The following JAZF1 variants were observed in gnomAD, a reference collection of about 807,000 sequenced individuals.
The protein encoded by JAZF1 is juxtaposed with another zinc finger protein 1.
Under a neutral mutation model 26.4 loss-of-function variants are expected in JAZF1, and 8 were observed. The observed-to-expected ratio is 0.30, with a 90% CI of 0.18 to 0.55. The LOEUF (loss-of-function observed/expected upper bound fraction) is 0.55. Ranked by LOEUF, JAZF1 falls within the 20% of genes least tolerant of loss-of-function variation. The pLI is 0.94. For missense variants in JAZF1, 199 were observed against 322.0 expected (o/e 0.62, Z 2.92); for synonymous variants, 126 against 122.3 (o/e 1.03, Z -0.20).
At chr7:27,998,220 A>G (rs1221906564) in intron 1 of JAZF1, among the ~76,000 whole-genome samples, 1 of 152,126 alleles carries the variant, frequency 6.6e-6, no homozygotes, top group Admixed American at 6.5e-5. Flanking sequence ...TTGGGCCAGC[A>G]TTTGGACTAT....
intron 1 of JAZF1, among the ~76,000 whole-genome samples, chr7:28,153,033 T>C (rs778664282): frequency 3.9e-5 from 6 of 152,194 alleles, no homozygotes; most frequent in Non-Finnish European, 8.8e-5. Context: ...TTATAAATCA[T>C]GTAAAAGGTT....
At chr7:27,846,405 A>G (rs778122894) in intron 3 of JAZF1, 119 of 323,966 alleles carry the variant, frequency 3.7e-4, no homozygotes, top group African/African-American at 5.2e-4. Context: ...ATACGTATAC[A>G]TGTATATATA....
intron 1 of JAZF1, among the ~76,000 whole-genome samples, chr7:28,064,326 A>G (rs1182915749): frequency 6.6e-6 from 1 of 152,142 alleles, no homozygotes; most frequent in Non-Finnish European, 1.5e-5. Context: ...TAAAAGAAGG[A>G]AACTATGTAA....
chr7:27,958,414 A>G (rs1204640501), intron 2 of JAZF1, among the ~76,000 whole-genome samples: 1 of 152,216 alleles, frequency 6.6e-6, no homozygotes, highest in Non-Finnish European at 1.5e-5. Context: ...TTAAGGGGAA[A>G]GGAGGAAGAA....
chr7:28,052,819 C>T (rs1357601515), intron 1 of JAZF1, among the ~76,000 whole-genome samples: 1 of 146,384 alleles, frequency 6.8e-6, no homozygotes, highest in East Asian at 2.0e-4. Flanking sequence ...TGGATACTGG[C>T]TTTTTTTTTT....
intron 1 of JAZF1, among the ~76,000 whole-genome samples, chr7:28,063,804 G>A (rs1783836663): frequency 1.3e-5 from 2 of 152,072 alleles, no homozygotes; most frequent in African/African-American, 4.8e-5. Flanking sequence ...TCACCAGCAT[G>A]CAAATAACTT....
At chr7:28,131,390 A>C (rs1345161607) in intron 1 of JAZF1, among the ~76,000 whole-genome samples, 1 of 152,188 alleles carries the variant, frequency 6.6e-6, no homozygotes, top group Admixed American at 6.5e-5. Flanking sequence ...GTTAGGGAAA[A>C]TAACAGAAGA....
At chr7:27,909,855 A>G (rs1007317631) in intron 2 of JAZF1, among the ~76,000 whole-genome samples, 2 of 152,228 alleles carry the variant, frequency 1.3e-5, no homozygotes, top group African/African-American at 2.4e-5. Context: ...TTGTGTTCAC[A>G]TAATCACTTA....
At chr7:28,104,544 G>C (rs1784521867) in intron 1 of JAZF1, among the ~76,000 whole-genome samples, 1 of 152,200 alleles carries the variant, frequency 6.6e-6, no homozygotes, top group Non-Finnish European at 1.5e-5. Flanking sequence ...TTGTCACTTA[G>C]ATAAACATGT....
chr7:27,950,096 T>C (rs547914300), intron 2 of JAZF1, among the ~76,000 whole-genome samples: 1 of 152,348 alleles, frequency 6.6e-6, no homozygotes, highest in South Asian at 2.1e-4. Flanking sequence ...CATTGAGCTT[T>C]GCACCGGTTA....
intron 1 of JAZF1, among the ~76,000 whole-genome samples, chr7:28,171,756 G>A (rs886804078): frequency 1.8e-4 from 27 of 152,108 alleles, no homozygotes; most frequent in African/African-American, 4.1e-4. Flanking sequence ...ACTCCAAAGC[G>A]GAAGGCAGTA....
chr7:27,880,612 A>G (rs1329960882), intron 3 of JAZF1, among the ~76,000 whole-genome samples: 1 of 152,130 alleles, frequency 6.6e-6, no homozygotes, highest in African/African-American at 2.4e-5. Flanking sequence ...CAGCCTGGGT[A>G]ACAGCAAGAC....
chr7:27,882,099 G>C (rs1056266568), intron 3 of JAZF1, among the ~76,000 whole-genome samples: 2 of 152,172 alleles, frequency 1.3e-5, no homozygotes, highest in Non-Finnish European at 2.9e-5. Context: ...GGCTCCCTGA[G>C]AATGATTTGT....
At chr7:28,066,819 T>C (rs543172354) in intron 1 of JAZF1, among the ~76,000 whole-genome samples, 37 of 152,128 alleles carry the variant, frequency 2.4e-4, no homozygotes, top group Admixed American at 6.5e-4. Context: ...AAAACTCTAA[T>C]TGGAAAATCA....
intron 1 of JAZF1, among the ~76,000 whole-genome samples, chr7:28,067,694 G>A (rs747825997): frequency 8.5e-5 from 13 of 152,238 alleles, no homozygotes; most frequent in Non-Finnish European, 1.3e-4. Context: ...TTTGAACCAA[G>A]TAGGGCAATT....
At chr7:28,176,670 A>G (rs571834341) in intron 1 of JAZF1, among the ~76,000 whole-genome samples, 15 of 152,222 alleles carry the variant, frequency 9.9e-5, no homozygotes, top group Non-Finnish European at 1.2e-4. Flanking sequence ...TCAAGTGCTC[A>G]TAACTTTGCC....
intron 2 of JAZF1, among the ~76,000 whole-genome samples, chr7:27,987,667 C>T (rs552323624): frequency 2.6e-5 from 4 of 152,274 alleles, no homozygotes; most frequent in South Asian, 2.1e-4. Context: ...CCCCTCTGCC[C>T]GGCTGCCACC....
chr7:27,955,252 A>G (rs1690237714), intron 2 of JAZF1, among the ~76,000 whole-genome samples: 1 of 152,248 alleles, frequency 6.6e-6, no homozygotes, highest in Non-Finnish European at 1.5e-5. Context: ...TGTAGCTCAT[A>G]TGAAAAGGAT....
intron 2 of JAZF1, among the ~76,000 whole-genome samples, chr7:27,938,228 G>A (rs558082232): frequency 5.3e-4 from 80 of 152,254 alleles, no homozygotes; most frequent in African/African-American, 1.8e-3. Context: ...ATCCTCAAAT[G>A]AGCCCCGCTA....
Sources: gnomAD v4.1 joint callset for allele counts (sites outside exome capture counted in the v4.1 genomes callset) on GRCh38, gnomAD v4.1.1 for gene constraint, MANE v1.5 for transcripts, NCBI Gene and HGNC (gene_info 2026-07-23, HGNC 2026-07-21) for gene names.